The following CMPK2 variants were observed in gnomAD, a reference collection of about 807,000 sequenced individuals.
CMPK2 encodes UMP-CMP kinase 2, mitochondrial.
Under a neutral mutation model 33.4 loss-of-function variants are expected in CMPK2, and 32 were observed. The ratio of observed to expected loss-of-function variants is 0.96; its 90% CI spans 0.72 to 1.29. The LOEUF (loss-of-function observed/expected upper bound fraction) is 1.29. Among genes scored for constraint, CMPK2 ranks in the 50% most tolerant of loss-of-function variants. The probability of loss-of-function intolerance (pLI) is 0.00; values close to 1 mark genes in which losing one functional copy is unlikely to be tolerated. For missense variants in CMPK2, 672 were observed against 616.0 expected, an observed-to-expected ratio of 1.09 and a Z score of -0.96; for synonymous variants, 299 against 275.3, an observed-to-expected ratio of 1.09 and a Z score of -0.85.
In CMPK2 at chr2:6,851,590, C is replaced by T. The variant is rs1428517713; in HGVS notation, c.1086G>A (p.Trp362Ter). The T allele has an allele frequency of 1.2e-6, 2 of 1,614,170 alleles. No homozygotes were observed. The highest frequency in any genetic ancestry group is 1.1e-5 in the South Asian group (1 of 91,080). The change falls in exon 4 of 5, where the codon TGG (tryptophan) becomes TGA (stop). Residue 362 changes from tryptophan to a stop codon, truncating the protein, a stop_gained. Transcript: ENST00000256722. LOFTEE classifies it high-confidence loss of function. ...GGTCAGGTTTGAGCAGGTCCTCTGG[C>T]CACTGGTACACAGGGTGATGGGCTG... is the stretch of plus-strand genomic sequence containing the variant. ...LPPAHHPVYQ[W>*]PEDLLKPDLI...
At chr2:6,840,759 G>C (rs1662209894) in intron 3 of CMPK2, 1 of 682,660 alleles carries the variant, frequency 1.5e-6, no homozygotes, top group Admixed American at 2.1e-5. Flanking sequence ...TAGTTCTTGG[G>C]GTTGGAATTC....
chr2:6,851,474 T>A lies in CMPK2; in HGVS notation c.1202A>T (p.Glu401Val), dbSNP rs1313735121. Residue 401 changes from glutamate to valine, a missense_variant, in exon 4 of 5, where the codon GAG (glutamate) becomes GTG (valine). Coordinates refer to ENST00000256722, the MANE Select transcript of CMPK2 (RefSeq NM_207315.4). ...MEKTREEAEL[E>V]ANSVFRQKVE... ...CTTTTGACGAAACACACTGTTGGCC[T>A]CAAGTTCTGCTTCTTCCCTGGTCTT... 6.2e-7 allele frequency: 1 copy of A among 1,614,248 alleles called. No homozygotes were observed. The highest frequency in any genetic ancestry group is 1.7e-5 in the Admixed American group (1 of 60,026).
intron 3 of CMPK2, among the ~76,000 whole-genome samples, chr2:6,857,199 T>A (rs1662729858): frequency 6.6e-6 from 1 of 152,216 alleles, no homozygotes; most frequent in Admixed American, 6.5e-5. Flanking sequence ...ATGGTGATTA[T>A]AATCTTCTCA....
rs1235933112 is a variant in CMPK2 at position 6,865,541 on chromosome 2, G to T, written c.156C>A (p.Pro52=). Residue 52 remains proline, a synonymous_variant, in exon 1 of 5, where the codon CCC becomes CCA. Coordinates refer to ENST00000256722, the MANE Select transcript of CMPK2 (RefSeq NM_207315.4). ...GGGGGTCGGGGGCGTCTGCGTCGCCGGGGGCGTCGGCGCCTAGGGCGAAGT... is the reference window on the plus strand; with the variant it reads ...GGGGGTCGGGGGCGTCTGCGTCGCCTGGGGCGTCGGCGCCTAGGGCGAAGT... ...LAHFALGADA[P]GDADAPDPRL... is the part of the protein sequence containing the mutation. 2.3e-6 allele frequency: 3 copies of T among 1,302,084 alleles called. No homozygotes were observed. Among genetic ancestry groups the T allele is most frequent in the Non-Finnish European group, 2.9e-6 (3 of 1,030,530 alleles). 80.7% of individuals were successfully genotyped at this position (1,302,084 alleles called of 1,614,324 possible). A position where few individuals can be genotyped will look rare whatever the true frequency, so the allele number is the denominator to read the frequency against.
intron 1 of CMPK2, 137 bp downstream of exon 1, chr2:6,864,885 C>G: frequency 8.0e-7 from 1 of 1,248,338 alleles, no homozygotes; most frequent in Non-Finnish European, 1.0e-6. Flanking sequence ...AGGACACCTT[C>G]CCTACCTGAT....
chr2:6,842,743 G>A (rs1662263269), intron 3 of CMPK2, among the ~76,000 whole-genome samples: 1 of 152,138 alleles, frequency 6.6e-6, no homozygotes, highest in African/African-American at 2.4e-5. Flanking sequence ...GTGATATGAA[G>A]GGTGAACTAT....
Position 6,849,321 on chromosome 2 carries a change from CAT to C in CMPK2, c.*527_*528del, listed in dbSNP as rs1662442371. 1 of 985,810 alleles carries C rather than the reference CAT, an allele frequency of 1.0e-6. No individual in the cohort carries two copies. The highest frequency in any genetic ancestry group is 1.7e-5 in the African/African-American group (1 of 57,218). 61.1% of individuals were successfully genotyped at this position (985,810 alleles called of 1,614,324 possible). On this transcript the variant is annotated 3_prime_UTR_variant, in exon 5 of 5. Transcript: ENST00000256722. Reference sequence around the variant, plus strand: ...GGAGTGTCCTTGGGCAGCCAGGACACATAGACAGCCTCTGCAGGAACACTTGG... The same window carrying C: ...GGAGTGTCCTTGGGCAGCCAGGACACAGACAGCCTCTGCAGGAACACTTGG...
At chr2:6,842,649 C>T (rs1303702964) in intron 3 of CMPK2, among the ~76,000 whole-genome samples, 1 of 152,208 alleles carries the variant, frequency 6.6e-6, no homozygotes, top group African/African-American at 2.4e-5. Flanking sequence ...TTAAGTAAAG[C>T]TTGCTTTAGC....
chr2:6,847,725 G>A (rs1251386488), downstream of CMPK2, among the ~76,000 whole-genome samples: 2 of 152,140 alleles, frequency 1.3e-5, no homozygotes, highest in African/African-American at 4.8e-5. Context: ...CCGATATGAA[G>A]AGTTAAAGGG....
At chr2:6,853,786 C>T (rs992656927) in intron 3 of CMPK2, among the ~76,000 whole-genome samples, 1 of 152,078 alleles carries the variant, frequency 6.6e-6, no homozygotes, top group Non-Finnish European at 1.5e-5. Flanking sequence ...CCTGTAGTCC[C>T]AGCTACTCGG....
At chr2:6,858,081 T>C (rs2712042) in intron 3 of CMPK2, among the ~76,000 whole-genome samples, 152,030 of 152,336 alleles carry the variant, frequency 1, 75,866 homozygotes, top group Middle Eastern at 1. Flanking sequence ...ACCTCCACAT[T>C]TACTATGTTC....
chr2:6,846,751 G>A (rs1662372024), downstream of CMPK2, among the ~76,000 whole-genome samples: 1 of 152,164 alleles, frequency 6.6e-6, no homozygotes, highest in Non-Finnish European at 1.5e-5. Context: ...CCCACATGAT[G>A]GCTAGGCCCT....
At position 6,865,631 on chromosome 2, in the gene CMPK2, G is replaced by C; in HGVS notation, c.66C>G (p.Val22=). Residue 22 remains valine (V), a synonymous_variant, in exon 1 of 5, where the codon GTC becomes GTG. Transcript: ENST00000256722. The part of the protein sequence containing the change: ...LSGPLLGRRG[V]CAGAMAPPRR... ...GCGGCGGAGCCATGGCCCCAGCGCA[G>C]ACCCCGCGCCGCCCGAGCAGCGGCC... 1.5e-6 allele frequency: 2 copies of C among 1,364,924 alleles called. No individual in the cohort carries two copies. The allele number at this position is 1,364,924 out of a possible 1,614,324, so 84.6% of individuals were successfully genotyped here.
chr2:6,866,545 T>G, upstream of CMPK2: 1 of 890,338 alleles, frequency 1.1e-6, no homozygotes, highest in Non-Finnish European at 1.3e-6. Flanking sequence ...AATTGAAGTT[T>G]CCTGCACTAA....
At position 6,853,587 on chromosome 2, in the gene CMPK2, C is replaced by T. The variant is rs1470417384; in HGVS notation, c.993-1904G>A. Among the ~76,000 whole-genome samples the T allele has an allele frequency of 6.6e-5, 10 of 152,056 alleles. No individual in the cohort carries two copies. The South Asian group carries it at 8.3e-4, about 13-fold the overall frequency. On this transcript the variant is annotated intron_variant, in intron 3 of 4. Coordinates refer to ENST00000256722, the MANE Select transcript of CMPK2 (RefSeq NM_207315.4). ...ATCAGACACTGGTTATAACTAAAGC[C>T]GGATCATTGCAAATTATGATAACAG...
chr2:6,862,512 C>T (rs1662912832), intron 2 of CMPK2, among the ~76,000 whole-genome samples: 1 of 152,164 alleles, frequency 6.6e-6, no homozygotes, highest in Non-Finnish European at 1.5e-5. Flanking sequence ...TGTAATCCCA[C>T]CAAATCTAAA....
chr2:6,842,578 C>T (rs1323087383), intron 3 of CMPK2, among the ~76,000 whole-genome samples: 2 of 152,208 alleles, frequency 1.3e-5, no homozygotes, highest in Non-Finnish European at 2.9e-5. Context: ...AAGCTATCCC[C>T]TTCCTTTCTG....
Position 6,849,270 on chromosome 2 carries a change from G to A in CMPK2, c.*580C>T. 2 of 985,414 alleles carry A rather than the reference G, an allele frequency of 2.0e-6. No individual in the cohort carries two copies. Among genetic ancestry groups the A allele is most frequent in the Non-Finnish European group, 2.4e-6 (2 of 829,940 alleles). The allele number at this position is 985,414 out of a possible 1,614,324, so 61.0% of individuals were successfully genotyped here. On this transcript the variant is annotated 3_prime_UTR_variant, in exon 5 of 5. Transcript: ENST00000256722. ...CAAGATCAATGCCTTCTTTGTAAGTGTTCCTTACCCAAAAATGGCTCTGCA... is the reference window on the plus strand; with the variant it reads ...CAAGATCAATGCCTTCTTTGTAAGTATTCCTTACCCAAAAATGGCTCTGCA...
intron 3 of CMPK2, among the ~76,000 whole-genome samples, chr2:6,860,070 C>A (rs1326402705): frequency 6.6e-6 from 1 of 152,228 alleles, no homozygotes; most frequent in African/African-American, 2.4e-5. Flanking sequence ...TTTGACTGCC[C>A]AGCTGAATTT....
Sources: gnomAD v4.1 joint callset for allele counts (sites outside exome capture counted in the v4.1 genomes callset) on GRCh38, gnomAD v4.1.1 for gene constraint, MANE v1.5 for transcripts, NCBI Gene and HGNC (gene_info 2026-07-23, HGNC 2026-07-21) for gene names.